SLC47A2: variants seen among roughly 807,000 people sequenced by gnomAD.
SLC47A2 encodes the protein multidrug and toxin extrusion protein 2.
In SLC47A2, 52 loss-of-function variants were observed where a neutral mutation model predicts 67.7. That is an observed-to-expected ratio of 0.77 (90% CI 0.61 to 0.97). The LOEUF is 0.97. Ranked by LOEUF, SLC47A2 falls within the 50% of genes least tolerant of loss-of-function variation. SLC47A2 has a pLI of 0.00. For synonymous variants in SLC47A2, 278 were observed against 292.9 expected (o/e 0.95, Z 0.52); for missense variants, 676 against 712.3 (o/e 0.95, Z 0.58).
At chr17:19,697,073 C>T (rs909061765) in intron 13 of SLC47A2, among the ~76,000 whole-genome samples, 5 of 152,244 alleles carry the variant, frequency 3.3e-5, no homozygotes, top group African/African-American at 4.8e-5. Flanking sequence ...GGGCGGATGA[C>T]GAGGTCAGGA....
chr17:19,679,589 G>C (rs1419868453), intron 16 of SLC47A2, among the ~76,000 whole-genome samples: 1 of 152,238 alleles, frequency 6.6e-6, no homozygotes, highest in Non-Finnish European at 1.5e-5. Flanking sequence ...CAGTGGGGGA[G>C]ATCATGGGCT....
chr17:19,706,921 A>G (rs2085955110), intron 8 of SLC47A2, among the ~76,000 whole-genome samples, 160 bp from the exon 9 acceptor site: 1 of 152,172 alleles, frequency 6.6e-6, no homozygotes, highest in African/African-American at 2.4e-5. Context: ...CAGCTGGTCT[A>G]GAGCTGGTGT....
chr17:19,717,389 C>G (rs1048150741), upstream of SLC47A2: 2 of 152,348 alleles, frequency 1.3e-5, no homozygotes, highest in Non-Finnish European at 2.9e-5. Context: ...GCCTGTGACT[C>G]CCCCCTCAAC....
chr17:19,708,831 T>G, intron 5 of SLC47A2, 71 bp from the exon 6 acceptor site: 1 of 1,563,354 alleles, frequency 6.4e-7, no homozygotes, highest in Admixed American at 1.7e-5. Flanking sequence ...TTAACAGACA[T>G]TCCTTTCCAG....
At chr17:19,699,555 C>A (rs1286833235) in intron 13 of SLC47A2, among the ~76,000 whole-genome samples, 1 of 151,440 alleles carries the variant, frequency 6.6e-6, no homozygotes, top group Non-Finnish European at 1.5e-5. Context: ...CCGCCGACCC[C>A]CTCCCCCAGC....
At position 19,713,753 on chromosome 17, in the gene SLC47A2, C is replaced by T. The variant is rs908399624; in HGVS notation, c.443+72G>A. 2.6e-4 allele frequency: 404 copies of T among 1,553,614 alleles called. 1 individual carries two copies. The highest frequency in any genetic ancestry group is 1.0e-4 in the Non-Finnish European group (120 of 1,150,568). On this transcript the variant is annotated intron_variant, in intron 4 of 16. Transcript: ENST00000433844. ...AGAAGCATGGGGTGTGAGGGCTGGG[C>T]ATCTTCAGGGTTTCCCTCGGCGGCC...
chr17:19,693,754 C>T (rs1597605674), intron 13 of SLC47A2, among the ~76,000 whole-genome samples: 1 of 152,186 alleles, frequency 6.6e-6, no homozygotes, highest in East Asian at 1.9e-4. Context: ...GCCAAGATCG[C>T]GCCATTGCTC....
chr17:19,694,840 C>T (rs9911284), intron 13 of SLC47A2, among the ~76,000 whole-genome samples: 37 of 150,452 alleles, frequency 2.5e-4, no homozygotes, highest in African/African-American at 8.3e-4. Context: ...CGCTTGAACC[C>T]GGGAGGCAGA....
At chr17:19,681,226 C>CAA (rs565026578) in intron 15 of SLC47A2, 141 bp downstream of exon 15, 176 of 600,852 alleles carry the variant, frequency 2.9e-4, no homozygotes, top group Non-Finnish European at 3.6e-4. Flanking sequence ...AACAAACAAA[C>CAA]AAAAAAAAAA....
At chr17:19,714,935 G>T in intron 2 of SLC47A2, 146 bp from the exon 3 acceptor site, 2 of 1,298,334 alleles carry the variant, frequency 1.5e-6, no homozygotes, top group Non-Finnish European at 2.2e-6. Flanking sequence ...TGTGCTGTGT[G>T]CCCCAGGGCC....
chr17:19,702,964 G>A, intron 12 of SLC47A2, 128 bp downstream of exon 12: 1 of 1,080,924 alleles, frequency 9.3e-7, no homozygotes, highest in South Asian at 1.5e-5. Context: ...CTCTCAGTGA[G>A]AGCCAAGCCT....
chr17:19,718,668 C>T (rs1205516048), upstream of SLC47A2: 1 of 152,220 alleles, frequency 6.6e-6, no homozygotes, highest in Admixed American at 6.5e-5. Flanking sequence ...AATTTCAATC[C>T]CCAGACCCCA....
intron 7 of SLC47A2, 26 bp from the exon 8 acceptor site, chr17:19,707,869 G>A: frequency 6.4e-7 from 1 of 1,554,870 alleles, no homozygotes; most frequent in Non-Finnish European, 8.7e-7. Context: ...GAACAGGGCT[G>A]CGACTGATGC....
Position 19,681,378 on chromosome 17 carries a change from C to G in SLC47A2, c.1381G>C (p.Ala461Pro), listed in dbSNP as rs778311524. The G allele has an allele frequency of 6.2e-7, 1 of 1,607,782 alleles. No homozygotes were observed. The highest frequency in any genetic ancestry group is 8.5e-7 in the Non-Finnish European group (1 of 1,176,680). The change falls in exon 15 of 17, where the codon GCT (alanine) becomes CCT (proline). Residue 461 changes from alanine to proline, a missense_variant. Coordinates refer to ENST00000433844, the MANE Select transcript of SLC47A2 (RefSeq NM_001099646.3). ...GCTGACCCACTTACCTCCTCTGCAG[C>G]AAGCTTCCAGTCCAGCCGGGCAGTA... is the stretch of plus-strand genomic sequence containing the variant. ...AYTARLDWKLAAEEAKKHSGR... is the reference protein window; with the variant it reads ...AYTARLDWKLPAEEAKKHSGR...
In SLC47A2 at chr17:19,685,672, G is replaced by A. The variant is rs7225274; in HGVS notation, c.1165-4002C>T. ...AGGGACACAAACAGGGCCGAAGGCC[G>A]CAGGGACCTCTGCCTAGGAAAACCA... is the stretch of plus-strand genomic sequence containing the variant. On this transcript the variant is annotated intron_variant, in intron 13 of 16. Transcript: ENST00000433844. This position sits in a 1 kb window ranked among gnomAD's most constrained non-coding sequence, Gnocchi z 4.5. 0.014 allele frequency among the ~76,000 whole-genome samples: 2,172 copies of A among 152,300 alleles called. 54 individuals are homozygous for A. The highest frequency in any genetic ancestry group is 0.05 in the African/African-American group (2,059 of 41,550).
chr17:19,681,673 A>G lies in SLC47A2; in HGVS notation c.1165-3T>C, dbSNP rs781073358. The G allele has an allele frequency of 3.1e-6, 5 of 1,607,208 alleles. No individual in the cohort carries two copies. Among genetic ancestry groups the G allele is most frequent in the Admixed American group, 1.7e-5 (1 of 59,680 alleles). Reference sequence around the variant, plus strand: ...CTCAGAACTCCGCCATAGACACACTAGGAGGGGAGACAGAAATGGGCAAGA... The same window carrying G: ...CTCAGAACTCCGCCATAGACACACTGGGAGGGGAGACAGAAATGGGCAAGA... On this transcript the variant is annotated splice_polypyrimidine_tract_variant and splice_region_variant and intron_variant, in intron 13 of 16. Transcript: ENST00000433844.
rs538029160 is a variant in SLC47A2, at chr17:19,700,847, G to T, written c.1164+1758C>A. 3.3e-5 allele frequency among the ~76,000 whole-genome samples: 5 copies of T among 151,370 alleles called. No homozygotes were observed. The East Asian group carries it at 9.8e-4, about 30-fold the overall frequency. On this transcript the variant is annotated intron_variant, in intron 13 of 16. Coordinates refer to ENST00000433844, the MANE Select transcript of SLC47A2 (RefSeq NM_001099646.3). ...CAGGTGTGGTCTCACCCAGACACTAGAGAAAAAGTATGAATAGTGTCTTTT... is the reference window on the plus strand; with the variant it reads ...CAGGTGTGGTCTCACCCAGACACTATAGAAAAAGTATGAATAGTGTCTTTT...
In SLC47A2 at chr17:19,703,135, T is replaced by C; in HGVS notation, c.1051A>G (p.Ser351Gly). The C allele has an allele frequency of 1.9e-6, 3 of 1,614,140 alleles. No homozygotes were observed. Among genetic ancestry groups the C allele is most frequent in the Non-Finnish European group, 2.5e-6 (3 of 1,180,028 alleles). ...GISLVLGTLI[S>G]ILKNQLGHIF... ...TGCCCCAGCTGATTTTTCAGGATGC[T>C]TATCAGGGTGCCCAGGACCAGGGAA... Residue 351 changes from serine (S) to glycine (G), a missense_variant, in exon 12 of 17, where the codon AGC becomes GGC. Transcript: ENST00000433844.
rs767244457 is a variant in SLC47A2 at position 19,707,736 on chromosome 17, G to A, written c.727+10C>T. The A allele has an allele frequency of 6.3e-7, 1 of 1,577,596 alleles. No homozygotes were observed. Among genetic ancestry groups the A allele is most frequent in the South Asian group, 1.2e-5 (1 of 85,774 alleles). ...CTGCTCAGCCTCCCAGAGCAGGCCA[G>A]GCCTCCCACCTGCCCACGTCTCCAG... On this transcript the variant is annotated intron_variant, in intron 8 of 16. Coordinates refer to ENST00000433844, the MANE Select transcript of SLC47A2 (RefSeq NM_001099646.3).
Sources: gnomAD v4.1 joint callset for allele counts (sites outside exome capture counted in the v4.1 genomes callset) on GRCh38, gnomAD v4.1.1 for gene constraint, Gnocchi (gnomAD v3.1) non-coding constraint, MANE v1.5 for transcripts, NCBI Gene and HGNC (gene_info 2026-07-23, HGNC 2026-07-21) for gene names.